RBFOX1: variants seen among roughly 807,000 people sequenced by gnomAD.
RBFOX1 encodes RNA binding fox-1 homolog 1.
Under a neutral mutation model 57.7 loss-of-function variants are expected in RBFOX1, and 8 were observed. The ratio of observed to expected loss-of-function variants is 0.14; its 90% CI spans 0.08 to 0.25. RBFOX1 has a LOEUF of 0.25. Ranked by LOEUF, RBFOX1 falls within the 10% of genes least tolerant of loss-of-function variation. RBFOX1 has a pLI of 1.00. For synonymous variants in RBFOX1, 326 were observed against 222.4 expected (o/e 1.47, Z -4.15); for missense variants, 611 against 548.5 (o/e 1.11, Z -1.14).
intron 4 of RBFOX1, among the ~76,000 whole-genome samples, chr16:7,066,794 G>T (rs974985833): frequency 1.3e-5 from 2 of 152,094 alleles, no homozygotes; most frequent in Admixed American, 1.3e-4. Flanking sequence ...AAAACACAAA[G>T]GTTTGGTTCA....
chr16:7,567,140 C>CCTATATATATATCCAT (rs2091879880), intron 5 of RBFOX1, among the ~76,000 whole-genome samples: 3 of 57,644 alleles, frequency 5.2e-5, no homozygotes, highest in East Asian at 3.4e-4. Flanking sequence ...TATGTATATC[C>CCTATATATATATCCAT]ATATATATCC....
chr16:6,384,575 G>A (rs540799129), intron 2 of RBFOX1, among the ~76,000 whole-genome samples: 1 of 152,256 alleles, frequency 6.6e-6, no homozygotes, highest in African/African-American at 2.4e-5. Flanking sequence ...CCTTATTATG[G>A]AATCTGAGGG....
intron 3 of RBFOX1, among the ~76,000 whole-genome samples, chr16:6,695,773 A>G (rs2060953245): frequency 6.6e-6 from 1 of 152,196 alleles, no homozygotes; most frequent in African/African-American, 2.4e-5. Context: ...TTGTAGCAAA[A>G]GTAAATAACA....
rs74012579 is a variant in RBFOX1, at chr16:7,433,286, A to G, written c.28-84861A>G. Among the ~76,000 whole-genome samples the G allele has an allele frequency of 4.1e-3, 629 of 152,326 alleles. 4 individuals carry two copies. Among genetic ancestry groups the G allele is most frequent in the African/African-American group, 0.014 (597 of 41,584 alleles). On this transcript the variant is annotated intron_variant, in intron 4 of 15. Coordinates refer to ENST00000550418, the MANE Select transcript of RBFOX1 (RefSeq NM_018723.4). ...AGACGGTGAGTAAGGGTCCAGTTCT[A>G]ATTCAAACCCTAAGCTCTTAGTTTG...
chr16:5,589,871 G>T (rs1054983159), intron 2 of RBFOX1, among the ~76,000 whole-genome samples: 2 of 152,056 alleles, frequency 1.3e-5, no homozygotes, highest in African/African-American at 4.8e-5. Context: ...GCCTGCAGAG[G>T]GTTGCTTTGC....
intron 3 of RBFOX1, among the ~76,000 whole-genome samples, chr16:7,006,026 A>T (rs2093269115): frequency 6.6e-6 from 1 of 152,128 alleles, no homozygotes; most frequent in South Asian, 2.1e-4. Context: ...TTACTGAGAT[A>T]CTCCGTGGTT....
At chr16:6,559,766 A>T (rs575575508) in intron 2 of RBFOX1, among the ~76,000 whole-genome samples, 17 of 151,962 alleles carry the variant, frequency 1.1e-4, no homozygotes, top group Admixed American at 5.2e-4. Context: ...TTGAACACCT[A>T]CTATGTGCCA....
At chr16:7,658,917 G>T (rs1316858932) in intron 12 of RBFOX1, among the ~76,000 whole-genome samples, 1 of 152,160 alleles carries the variant, frequency 6.6e-6, no homozygotes, top group Non-Finnish European at 1.5e-5. Context: ...TAGAGACAGG[G>T]TTTCACCATA....
chr16:6,484,580 G>A lies in RBFOX1; in HGVS notation c.-64+167523G>A, dbSNP rs117578890. ...ATATATTATATACAGAGTGTCGAAT[G>A]TGACATCCATCAGTCTACAATGATC... On this transcript the variant is annotated intron_variant, in intron 2 of 15. Coordinates refer to ENST00000550418, the MANE Select transcript of RBFOX1 (RefSeq NM_018723.4). 4.9e-3 allele frequency among the ~76,000 whole-genome samples: 740 copies of A among 152,258 alleles called. 25 individuals are homozygous for A. The East Asian group carries it at 0.099, about 20-fold the overall frequency.
At chr16:5,487,606 C>G (rs1267989361) in intron 2 of RBFOX1, among the ~76,000 whole-genome samples, 1 of 152,206 alleles carries the variant, frequency 6.6e-6, no homozygotes, top group Non-Finnish European at 1.5e-5. Flanking sequence ...ACTTGTATTT[C>G]TATCCCTGGG....
intron 2 of RBFOX1, among the ~76,000 whole-genome samples, chr16:6,599,446 A>G (rs543908891): frequency 1.1e-4 from 16 of 152,060 alleles, no homozygotes; most frequent in Admixed American, 9.2e-4. Context: ...TTGCTGAAAT[A>G]AGAATAACAA....
chr16:5,431,371 TTTTA>T (rs1187641037), intron 1 of RBFOX1, among the ~76,000 whole-genome samples: 1 of 152,090 alleles, frequency 6.6e-6, no homozygotes, highest in Non-Finnish European at 1.5e-5. Flanking sequence ...AGCTGGCTTA[TTTTA>T]TTTATTTATT....
intron 5 of RBFOX1, among the ~76,000 whole-genome samples, chr16:7,550,148 C>G (rs1157167016): frequency 1.3e-5 from 2 of 152,058 alleles, no homozygotes. Flanking sequence ...CCAGGCTGGT[C>G]TCAAACTTCT....
rs374306887 is a variant in RBFOX1, at chr16:6,978,014, G to A, written c.-15-74043G>A. ...TGCAAGACACTCAGCATTCTTGTGT[G>A]TTTATTTTCTGGGTCCCCCAAGCCC... On this transcript the variant is annotated intron_variant, in intron 3 of 15. Transcript: ENST00000550418. Among the ~76,000 whole-genome samples the A allele has an allele frequency of 3.8e-4, 57 of 151,094 alleles. No homozygotes were observed. The South Asian group carries it at 0.011, about 30-fold the overall frequency.
intron 4 of RBFOX1, among the ~76,000 whole-genome samples, chr16:7,155,947 A>G (rs900812618): frequency 1.3e-5 from 2 of 151,380 alleles, no homozygotes; most frequent in African/African-American, 2.4e-5. Context: ...AAACTGATCT[A>G]TTTTTCCAGG....
rs1436880991 is a variant in RBFOX1 at position 6,019,184 on chromosome 16, C to A, written c.-935C>A. ...CTATATTTTTACTGGAAGATTTCCT[C>A]TTTATTCTCTCCCGCCCTCCTACAA... On this transcript the variant is annotated 5_prime_UTR_variant, in exon 1 of 16. Coordinates refer to ENST00000550418, the MANE Select transcript of RBFOX1 (RefSeq NM_018723.4). This position sits in a 1 kb window ranked among gnomAD's most constrained non-coding sequence, Gnocchi z 4.2. 4 of 985,218 alleles carry A rather than the reference C, an allele frequency of 4.1e-6. No individual in the cohort carries two copies. Among genetic ancestry groups the A allele is most frequent in the Non-Finnish European group, 4.8e-6 (4 of 830,028 alleles). 61.0% of individuals were successfully genotyped at this position (985,218 alleles called of 1,614,324 possible). A position where few individuals can be genotyped will look rare whatever the true frequency, so the allele number is the denominator to read the frequency against.
intron 2 of RBFOX1, among the ~76,000 whole-genome samples, chr16:5,594,061 A>G (rs1216047033): frequency 1.3e-5 from 2 of 151,902 alleles, no homozygotes; most frequent in Non-Finnish European, 2.9e-5. Flanking sequence ...GCTTTGCACA[A>G]TGTTGGTCCA....
chr16:6,282,355 GTTTT>G (rs151272388), intron 1 of RBFOX1, among the ~76,000 whole-genome samples: 3,064 of 125,262 alleles, frequency 0.024, 72 homozygotes, highest in East Asian at 0.061. Flanking sequence ...TACCTTGTCT[GTTTT>G]TTTTTTTTTT....
chr16:6,455,639 G>A (rs1376358444), intron 2 of RBFOX1, among the ~76,000 whole-genome samples: 1 of 152,142 alleles, frequency 6.6e-6, no homozygotes, highest in Non-Finnish European at 1.5e-5. Flanking sequence ...TTACCATATA[G>A]ACAGGTACCT....
Sources: allele counts gnomAD v4.1 joint callset (sites outside exome capture counted in the v4.1 genomes callset), GRCh38; gene constraint gnomAD v4.1.1; non-coding constraint Gnocchi (gnomAD v3.1); transcripts MANE v1.5; gene names NCBI Gene and HGNC (gene_info 2026-07-23, HGNC 2026-07-21).